The following DNAJB6 variants were observed in gnomAD, a reference collection of about 807,000 sequenced individuals.
DNAJB6 encodes the protein DnaJ heat shock protein family (Hsp40) member B6, also known as dnaJ homolog subfamily B member 6.
A neutral mutation model predicts 42.7 loss-of-function variants in DNAJB6; 16 were observed. The observed-to-expected ratio is 0.37, with a 90% CI of 0.25 to 0.57. The LOEUF is 0.57. DNAJB6 is among the 20% of genes least tolerant of loss of function. DNAJB6 has a pLI of 0.74. For synonymous variants in DNAJB6, 170 were observed against 163.5 expected (o/e 1.04, Z -0.30); for missense variants, 347 against 416.8 (o/e 0.83, Z 1.46).
At chr7:157,350,391 T>C (rs1798907966) in intron 1 of DNAJB6, among the ~76,000 whole-genome samples, 1 of 152,196 alleles carries the variant, frequency 6.6e-6, no homozygotes, top group South Asian at 2.1e-4. Context: ...AAATTGAACC[T>C]GTATCGCATA....
At chr7:157,370,194 A>AACATTATTATTAAAGAGGCCCTTTCTTC (rs1563129097) in intron 5 of DNAJB6, among the ~76,000 whole-genome samples, 1 of 146,830 alleles carries the variant, frequency 6.8e-6, no homozygotes, top group Non-Finnish European at 1.5e-5. Context: ...GCCCCTTCTT[A>AACATTATTATTAAAGAGGCCCTTTCTTC]ACATTATTAT....
chr7:157,409,909 T>G lies in DNAJB6; in HGVS notation c.806T>G (p.Leu269Arg). The G allele has an allele frequency of 6.5e-7, 1 of 1,535,018 alleles. No homozygotes were observed. The highest frequency in any genetic ancestry group is 1.4e-5 in the African/African-American group (1 of 73,052). The change falls in exon 9 of 10, where the codon CTG becomes CGG. Residue 269 changes from leucine to arginine, a missense_variant. Coordinates refer to ENST00000262177, the MANE Select transcript of DNAJB6 (RefSeq NM_058246.4). ...PPKPPRPASL[L>R]RHAPHCLSEE... Reference sequence around the variant, plus strand: ...AAGCCGCCCCGGCCTGCCTCGCTGCTGAGACACGCGCCTCACTGTCTCTCT... The same window carrying G: ...AAGCCGCCCCGGCCTGCCTCGCTGCGGAGACACGCGCCTCACTGTCTCTCT...
In DNAJB6 at chr7:157,367,726, G is replaced by A. The variant is rs535807843; in HGVS notation, c.346+243G>A. Among the ~76,000 whole-genome samples the A allele has an allele frequency of 2.7e-4, 41 of 152,262 alleles. No individual in the cohort carries two copies. In the South Asian group the frequency reaches 3.7e-3, roughly 14 times the overall value. ...AATACAAAATTAGCCGGGCATGGTG[G>A]CGCATGCCTGTAATCCCAGCTACTT... On this transcript the variant is annotated intron_variant, in intron 5 of 9. Transcript: ENST00000262177.
chr7:157,388,605 GTC>G (rs934010856), intron 8 of DNAJB6, among the ~76,000 whole-genome samples: 1 of 148,534 alleles, frequency 6.7e-6, no homozygotes, highest in Non-Finnish European at 1.5e-5. Flanking sequence ...TATTTTTAAA[GTC>G]TTTAATTTTT....
At chr7:157,376,075 G>A (rs1486853143) in intron 5 of DNAJB6, among the ~76,000 whole-genome samples, 2 of 152,172 alleles carry the variant, frequency 1.3e-5, no homozygotes, top group Non-Finnish European at 2.9e-5. Context: ...AGATGAACGT[G>A]GTTGGTGGGA....
intron 3 of DNAJB6, among the ~76,000 whole-genome samples, chr7:157,364,448 G>GT (rs1248508317): frequency 6.6e-6 from 1 of 152,204 alleles, no homozygotes; most frequent in Non-Finnish European, 1.5e-5. Flanking sequence ...TCATTGGAAA[G>GT]TTTATTTTTT....
At chr7:157,406,109 A>G (rs1352314461) in intron 8 of DNAJB6, among the ~76,000 whole-genome samples, 1 of 152,232 alleles carries the variant, frequency 6.6e-6, no homozygotes, top group Non-Finnish European at 1.5e-5. Context: ...GTTCAGACCA[A>G]CTGTGTGTCC....
At chr7:157,347,798 ATTTAT>A (rs1191282318) in intron 1 of DNAJB6, among the ~76,000 whole-genome samples, 1 of 151,966 alleles carries the variant, frequency 6.6e-6, no homozygotes, top group Admixed American at 6.6e-5. Flanking sequence ...AAGTTTGTTT[ATTTAT>A]TTGTTTTTTT....
intron 1 of DNAJB6, among the ~76,000 whole-genome samples, chr7:157,349,988 T>G (rs1798885450): frequency 6.6e-6 from 1 of 152,134 alleles, no homozygotes; most frequent in Admixed American, 6.6e-5. Context: ...AGAGTCTCCC[T>G]TTGTTGTCCA....
chr7:157,409,711 CG>C, intron 8 of DNAJB6, 83 bp from the exon 9 acceptor site: 1 of 1,390,140 alleles, frequency 7.2e-7, no homozygotes, highest in Non-Finnish European at 9.5e-7. Context: ...GGAGATCGTG[CG>C]GCCAGCTTCC....
chr7:157,384,187 A>G (rs909015632), intron 6 of DNAJB6, among the ~76,000 whole-genome samples: 7 of 152,258 alleles, frequency 4.6e-5, no homozygotes, highest in African/African-American at 1.7e-4. Context: ...TTTAGTGTCC[A>G]CACTGCGATA....
chr7:157,377,674 C>T (rs1401435460), intron 5 of DNAJB6, among the ~76,000 whole-genome samples: 1 of 152,178 alleles, frequency 6.6e-6, no homozygotes, highest in African/African-American at 2.4e-5. Context: ...ATTAGGGAGG[C>T]AAGCTGCTTT....
chr7:157,346,316 T>TAAAA lies in DNAJB6; in HGVS notation c.-27+9190_-27+9193dup, dbSNP rs60806134. Among the ~76,000 whole-genome samples, 86 of 117,702 alleles carry TAAAA rather than the reference T, an allele frequency of 7.3e-4. 4 individuals are homozygous for TAAAA. The highest frequency in any genetic ancestry group is 2.8e-3 in the East Asian group (11 of 3,954). The allele number at this position is 117,702 out of a possible 152,430, so 77.2% of individuals were successfully genotyped here. On this transcript the variant is annotated intron_variant, in intron 1 of 9. Transcript: ENST00000262177. ...GGTAGCCCTGCTCTGCAAGGAGTAG[T>TAAAA]AAAAAAAAAAAAAAAAAAAAAGTTA...
In DNAJB6 at chr7:157,374,715, G is replaced by T. The variant is rs1800386102; in HGVS notation, c.346+7232G>T. ...TAAATAGGGAGAGGAAATGGTTCCT[G>T]GAAACGGTCATTTTGAGAATTTTCT... On this transcript the variant is annotated intron_variant, in intron 5 of 9. Coordinates refer to ENST00000262177, the MANE Select transcript of DNAJB6 (RefSeq NM_058246.4). 5.3e-5 allele frequency among the ~76,000 whole-genome samples: 8 copies of T among 152,270 alleles called. 2 individuals carry two copies. Among genetic ancestry groups the T allele is most frequent in the Admixed American group, 5.2e-4 (8 of 15,290 alleles).
chr7:157,407,201 C>G (rs1483470788), intron 8 of DNAJB6, among the ~76,000 whole-genome samples: 1 of 152,224 alleles, frequency 6.6e-6, no homozygotes, highest in African/African-American at 2.4e-5. Context: ...GTGGGGTTAC[C>G]CTGCCCCCAT....
At chr7:157,382,065 A>AAAC (rs1486134072) in intron 5 of DNAJB6, 181 bp from the exon 6 acceptor site, 9 of 537,446 alleles carry the variant, frequency 1.7e-5, no homozygotes, top group Non-Finnish European at 1.9e-5. Context: ...TAAACTAGTT[A>AAAC]GTAAAACTGT....
intron 3 of DNAJB6, among the ~76,000 whole-genome samples, chr7:157,365,331 G>A (rs1057352232): frequency 5.9e-5 from 9 of 152,246 alleles, no homozygotes; most frequent in African/African-American, 1.9e-4. Context: ...TTTGTTCTGG[G>A]ATATAAGTAG....
intron 8 of DNAJB6, among the ~76,000 whole-genome samples, chr7:157,404,853 G>A (rs1336355959): frequency 2.0e-5 from 3 of 152,046 alleles, no homozygotes; most frequent in African/African-American, 7.2e-5. Context: ...AAGCTAAGCT[G>A]GTCTCAAACT....
intron 5 of DNAJB6, chr7:157,372,094 C>T (rs920227493): frequency 6.6e-6 from 1 of 152,586 alleles, no homozygotes; most frequent in Admixed American, 6.5e-5. Context: ...AGTAACCTGA[C>T]TTTCTGACCT....
Sources: allele counts gnomAD v4.1 joint callset (sites outside exome capture counted in the v4.1 genomes callset), GRCh38; gene constraint gnomAD v4.1.1; transcripts MANE v1.5; gene names NCBI Gene and HGNC (gene_info 2026-07-23, HGNC 2026-07-21).